Variants in CFTR observed in about 807,000 individuals in gnomAD.
The protein encoded by CFTR is CF transmembrane conductance regulator, also known as cystic fibrosis transmembrane conductance regulator.
A neutral mutation model predicts 171.6 loss-of-function variants in CFTR; 181 were observed. That is an observed-to-expected ratio of 1.05 (90% CI 0.93 to 1.19). CFTR has a LOEUF of 1.19. CFTR is among the 50% of genes most tolerant of loss of function. The pLI is 0.00. For synonymous variants in CFTR, 583 were observed against 608.0 expected (o/e 0.96, Z 0.60); for missense variants, 1,968 against 1,734.7 (o/e 1.13, Z -2.39).
intron 11 of CFTR, among the ~76,000 whole-genome samples, chr7:117,579,835 T>C (rs1299377553): frequency 6.6e-6 from 1 of 151,852 alleles, no homozygotes; most frequent in Non-Finnish European, 1.5e-5. Flanking sequence ...AAAATATTAA[T>C]GTAATAAATC....
At chr7:117,563,302 G>T (rs1195214030) in intron 11 of CFTR, among the ~76,000 whole-genome samples, 1 of 151,974 alleles carries the variant, frequency 6.6e-6, no homozygotes, top group Admixed American at 6.6e-5. Context: ...ATTGTTGATG[G>T]TACTATTTGC....
intron 1 of CFTR, among the ~76,000 whole-genome samples, chr7:117,496,322 C>T (rs1798239343): frequency 6.6e-6 from 1 of 152,130 alleles, no homozygotes; most frequent in African/African-American, 2.4e-5. Context: ...CCTCCCACCT[C>T]AGTCTCCCGA....
chr7:117,499,206 A>G (rs192458279), intron 1 of CFTR, among the ~76,000 whole-genome samples: 17 of 152,288 alleles, frequency 1.1e-4, no homozygotes, highest in Middle Eastern at 3.4e-3. Context: ...AAGTTTTGGC[A>G]GATGAAAATG....
chr7:117,613,273 T>A (rs1440937216), intron 20 of CFTR, among the ~76,000 whole-genome samples: 25 of 152,134 alleles, frequency 1.6e-4, no homozygotes, highest in Admixed American at 1.6e-3. Flanking sequence ...TGTGATTGAG[T>A]CTTGATTTAT....
chr7:117,548,075 AT>A (rs1799192489), intron 9 of CFTR, among the ~76,000 whole-genome samples: 1 of 152,180 alleles, frequency 6.6e-6, no homozygotes, highest in South Asian at 2.1e-4. Flanking sequence ...ATTCATTTGA[AT>A]TATCTGGCAA....
chr7:117,551,219 C>A (rs546489005), intron 10 of CFTR, among the ~76,000 whole-genome samples: 3 of 152,180 alleles, frequency 2.0e-5, no homozygotes, highest in Admixed American at 2.0e-4. Context: ...TGGTGTAGTT[C>A]TATAATGGCG....
At chr7:117,556,615 G>A (rs1307027039) in intron 10 of CFTR, among the ~76,000 whole-genome samples, 1 of 133,828 alleles carries the variant, frequency 7.5e-6, no homozygotes, top group Non-Finnish European at 1.6e-5. Flanking sequence ...CGCCTCCCGG[G>A]TTCACGCCAT....
At chr7:117,613,999 C>CTTTTTTTTTTTT (rs752774658) in intron 20 of CFTR, among the ~76,000 whole-genome samples, 1 of 72,476 alleles carries the variant, frequency 1.4e-5, no homozygotes, top group Non-Finnish European at 2.7e-5. Flanking sequence ...GTACAGTAAT[C>CTTTTTTTTTTTT]TTTTTTTTTT....
chr7:117,542,219 G>T (rs1290820434), intron 9 of CFTR, 111 bp downstream of exon 9: 1 of 686,972 alleles, frequency 1.5e-6, no homozygotes, highest in African/African-American at 1.8e-5. Context: ...ATAACTGGTA[G>T]AACTGGAAGG....
At chr7:117,502,296 A>C (rs1393595596) in intron 1 of CFTR, among the ~76,000 whole-genome samples, 2 of 152,250 alleles carry the variant, frequency 1.3e-5, no homozygotes, top group Non-Finnish European at 2.9e-5. Context: ...AGTAAAGTTT[A>C]GCATCTCTAA....
At chr7:117,613,956 T>A (rs972268998) in intron 20 of CFTR, among the ~76,000 whole-genome samples, 3 of 151,426 alleles carry the variant, frequency 2.0e-5, no homozygotes, top group African/African-American at 7.3e-5. Flanking sequence ...AAAAAATTAC[T>A]GTAATTTAAC....
rs562911634 is a variant in CFTR at position 117,578,724 on chromosome 7, C to G, written c.1585-9015C>G. Among the ~76,000 whole-genome samples, 11 of 152,150 alleles carry G rather than the reference C, an allele frequency of 7.2e-5. 1 individual carries two copies. The East Asian group carries it at 9.6e-4, about 13-fold the overall frequency. ...TCTAAGGGTAAAATCTTGTCTAATG[C>G]TTGAAACATCTTCATTTTCCTGTCA... On this transcript the variant is annotated intron_variant, in intron 11 of 26. Transcript: ENST00000003084.
intron 5 of CFTR, among the ~76,000 whole-genome samples, chr7:117,534,574 G>A (rs923923387): frequency 1.3e-5 from 2 of 152,150 alleles, no homozygotes; most frequent in African/African-American, 2.4e-5. Context: ...AGGCACCTTA[G>A]CCTGTTGTTA....
At chr7:117,577,647 T>C (rs1791791472) in intron 11 of CFTR, among the ~76,000 whole-genome samples, 1 of 152,120 alleles carries the variant, frequency 6.6e-6, no homozygotes, top group Admixed American at 6.6e-5. Flanking sequence ...CATTTGCAAA[T>C]ACAGTACATC....
At chr7:117,572,853 A>C (rs1465976444) in intron 11 of CFTR, among the ~76,000 whole-genome samples, 1 of 152,124 alleles carries the variant, frequency 6.6e-6, no homozygotes, top group Non-Finnish European at 1.5e-5. Flanking sequence ...TACCCAACCA[A>C]GCTTCTTACC....
At chr7:117,517,936 A>C (rs1247811781) in intron 3 of CFTR, among the ~76,000 whole-genome samples, 3 of 152,044 alleles carry the variant, frequency 2.0e-5, no homozygotes, top group Non-Finnish European at 4.4e-5. Flanking sequence ...AGTTCCTTGT[A>C]GATTTTGGAT....
Position 117,610,655 on chromosome 7 carries a change from A to C in CFTR, c.3125A>C (p.Gln1042Pro). 1 of 1,613,474 alleles carries C rather than the reference A, an allele frequency of 6.2e-7. No homozygotes were observed. Among genetic ancestry groups the C allele is most frequent in the Non-Finnish European group, 8.5e-7 (1 of 1,179,576 alleles). Reference sequence around the variant, plus strand: ...CTCCAAACCTCACAGCAACTCAAACAACTGGAATCTGAAGGTATGACAGTG... The same window carrying C: ...CTCCAAACCTCACAGCAACTCAAACCACTGGAATCTGAAGGTATGACAGTG... Reference protein sequence around the residue: ...YFLQTSQQLKQLESEGRSPIF... With the variant: ...YFLQTSQQLKPLESEGRSPIF... Residue 1042 changes from glutamine (Q) to proline (P), a missense_variant, in exon 19 of 27, where the codon CAA becomes CCA. Coordinates refer to ENST00000003084, the MANE Select transcript of CFTR (RefSeq NM_000492.4).
At chr7:117,517,857 T>G (rs1366811648) in intron 3 of CFTR, among the ~76,000 whole-genome samples, 1 of 152,338 alleles carries the variant, frequency 6.6e-6, no homozygotes, top group Non-Finnish European at 1.5e-5. Context: ...TGTCTTCTTT[T>G]GAGAAGTGTC....
intron 10 of CFTR, among the ~76,000 whole-genome samples, chr7:117,555,213 A>T (rs1799332624): frequency 6.6e-6 from 1 of 152,206 alleles, no homozygotes. Flanking sequence ...GCTACTATAA[A>T]ATATACACAA....
Sources: allele counts gnomAD v4.1 joint callset (sites outside exome capture counted in the v4.1 genomes callset), GRCh38; gene constraint gnomAD v4.1.1; transcripts MANE v1.5; gene names NCBI Gene and HGNC (gene_info 2026-07-23, HGNC 2026-07-21).